PXK: variants seen among roughly 807,000 people sequenced by gnomAD.
PXK encodes the protein PX domain-containing protein kinase-like protein.
In PXK, 35 loss-of-function variants were observed where a neutral mutation model predicts 84.7. That is an observed-to-expected ratio of 0.41 (90% CI 0.32 to 0.55). The LOEUF is 0.55. Among genes scored for constraint, PXK ranks in the 20% least tolerant of loss-of-function variants. PXK has a pLI of 0.21. For synonymous variants in PXK, 253 were observed against 260.8 expected (o/e 0.97, Z 0.29); for missense variants, 634 against 699.7 (o/e 0.91, Z 1.06).
At chr3:58,375,263 T>C (rs182871148) in intron 3 of PXK, among the ~76,000 whole-genome samples, 1 of 152,374 alleles carries the variant, frequency 6.6e-6, no homozygotes, top group African/African-American at 2.4e-5. Flanking sequence ...AATCTGTCGA[T>C]ACTGGGTAAT....
chr3:58,369,266 G>C, intron 2 of PXK, among the ~76,000 whole-genome samples, 165 bp from the exon 3 acceptor site: 1 of 152,092 alleles, frequency 6.6e-6, no homozygotes, highest in East Asian at 1.9e-4. Flanking sequence ...TGTTTTCTAG[G>C]CTTGTCAGGT....
intron 3 of PXK, among the ~76,000 whole-genome samples, chr3:58,375,240 G>A (rs1171025262): frequency 2.0e-5 from 3 of 152,134 alleles, no homozygotes; most frequent in Non-Finnish European, 1.5e-5. Context: ...GCTGCTATGC[G>A]GTAGTGCAGG....
At chr3:58,354,104 C>CA in intron 1 of PXK, among the ~76,000 whole-genome samples, 1 of 152,346 alleles carries the variant, frequency 6.6e-6, no homozygotes, top group South Asian at 2.1e-4. Context: ...CCTGCCTCCT[C>CA]TCCCAGATCC....
intron 4 of PXK, among the ~76,000 whole-genome samples, chr3:58,388,229 T>G (rs1393298782): frequency 6.6e-6 from 1 of 152,202 alleles, no homozygotes; most frequent in Non-Finnish European, 1.5e-5. Flanking sequence ...AAAAGCTATT[T>G]CACAGTCCTC....
rs190101367 is a variant in PXK, at chr3:58,421,598, G to A, written c.1529-3154G>A. 441 of 988,258 alleles carry A rather than the reference G, an allele frequency of 4.5e-4. No homozygotes were observed. The highest frequency in any genetic ancestry group is 8.5e-4 in the Middle Eastern group (3 of 3,546). 61.2% of individuals were successfully genotyped at this position (988,258 alleles called of 1,614,324 possible). On this transcript the variant is annotated intron_variant, in intron 17 of 17. Coordinates refer to ENST00000356151, the MANE Select transcript of PXK (RefSeq NM_017771.5). This position sits in a 1 kb window ranked among gnomAD's most constrained non-coding sequence, Gnocchi z 5.5. ...CCATCTCAGAAAAAAAGGAACTGGA[G>A]GGAGGGACCCTCAGACATCCTGTCC... is the stretch of plus-strand genomic sequence containing the variant.
At chr3:58,352,392 G>A (rs1263023698) in intron 1 of PXK, among the ~76,000 whole-genome samples, 3 of 152,160 alleles carry the variant, frequency 2.0e-5, no homozygotes, top group South Asian at 4.1e-4. Context: ...CATTTCCAGC[G>A]GATCCGAGTT....
intron 1 of PXK, among the ~76,000 whole-genome samples, chr3:58,358,810 C>T (rs1256256239): frequency 1.3e-5 from 2 of 152,196 alleles, no homozygotes; most frequent in Admixed American, 1.3e-4. Context: ...TTGGCAGAAA[C>T]ATTAACTAGG....
chr3:58,339,119 A>C (rs115832510), intron 1 of PXK, among the ~76,000 whole-genome samples: 2,356 of 152,242 alleles, frequency 0.015, 68 homozygotes, highest in African/African-American at 0.054. Flanking sequence ...CCTGAGTTGA[A>C]AGCTTTTAGG....
In PXK at chr3:58,390,562, T is replaced by C; in HGVS notation, c.389-20T>C. ...TTTCCTGATATGTCTGACTAATGGG[T>C]TTCTAAAATGTCTTTGCAGAGATTG... On this transcript the variant is annotated intron_variant, in intron 4 of 17. Coordinates refer to ENST00000356151, the MANE Select transcript of PXK (RefSeq NM_017771.5). This position sits in a 1 kb window ranked among gnomAD's most constrained non-coding sequence, Gnocchi z 4.2. The C allele has an allele frequency of 6.2e-7, 1 of 1,604,106 alleles. No individual in the cohort carries two copies. Among genetic ancestry groups the C allele is most frequent in the Non-Finnish European group, 8.5e-7 (1 of 1,172,608 alleles).
intron 9 of PXK, 93 bp from the exon 10 acceptor site, chr3:58,396,946 G>T: frequency 7.3e-7 from 1 of 1,365,108 alleles, no homozygotes; most frequent in Non-Finnish European, 1.0e-6. Flanking sequence ...GTTTGGTTTT[G>T]TTTCAAAATA....
At chr3:58,382,387 A>G in intron 3 of PXK, 127 bp from the exon 4 acceptor site, 1 of 677,132 alleles carries the variant, frequency 1.5e-6, no homozygotes, top group Non-Finnish European at 2.2e-6. Context: ...TTTTTATATC[A>G]CTGAAATTAG....
chr3:58,411,881 A>G lies in PXK; in HGVS notation c.1466-1020A>G, dbSNP rs1402849755. Among the ~76,000 whole-genome samples, 1 of 152,198 alleles carries G rather than the reference A, an allele frequency of 6.6e-6. No individual in the cohort carries two copies. The highest frequency in any genetic ancestry group is 1.5e-5 in the Non-Finnish European group (1 of 68,044). ...AAAACACCCTCATATTTTATAGGGA[A>G]CTGAGGGAATATTGCAAGTAGAAAA... On this transcript the variant is annotated intron_variant, in intron 16 of 17. Coordinates refer to ENST00000356151, the MANE Select transcript of PXK (RefSeq NM_017771.5). The surrounding 1 kb of genome is among the most constrained non-coding windows in gnomAD (Gnocchi z 4.2).
chr3:58,334,033 C>T (rs1243074365), intron 1 of PXK, among the ~76,000 whole-genome samples: 1 of 152,172 alleles, frequency 6.6e-6, no homozygotes, highest in Non-Finnish European at 1.5e-5. Flanking sequence ...TGTCAGTCCA[C>T]CGAATCAGAT....
At chr3:58,351,452 G>C (rs1434531290) in intron 1 of PXK, among the ~76,000 whole-genome samples, 1 of 146,594 alleles carries the variant, frequency 6.8e-6, no homozygotes, top group Non-Finnish European at 1.5e-5. Flanking sequence ...GTAGAGACAG[G>C]GTTTCACCAT....
chr3:58,353,090 G>A (rs1170123084), intron 1 of PXK, among the ~76,000 whole-genome samples: 8 of 151,668 alleles, frequency 5.3e-5, no homozygotes, highest in African/African-American at 7.3e-5. Flanking sequence ...TCCGCCTCCC[G>A]GATTCACGCC....
intron 17 of PXK, chr3:58,420,967 G>C (rs9825431): frequency 0.081 from 82,713 of 1,021,680 alleles, 3,517 homozygotes; most frequent in Middle Eastern, 0.11. Flanking sequence ...TGAGCTCTTA[G>C]TTACAGGGAG....
Position 58,401,928 on chromosome 3 carries a change from G to A in PXK, c.1182-1934G>A, listed in dbSNP as rs529008361. Reference sequence around the variant, plus strand: ...AAATAAAAAATAAAACAAACTGGGGGCGCAGGATATTCAGCCAGGCATACT... The same window carrying A: ...AAATAAAAAATAAAACAAACTGGGGACGCAGGATATTCAGCCAGGCATACT... On this transcript the variant is annotated intron_variant, in intron 12 of 17. Coordinates refer to ENST00000356151, the MANE Select transcript of PXK (RefSeq NM_017771.5). This position sits in a 1 kb window ranked among gnomAD's most constrained non-coding sequence, Gnocchi z 4.4. 4.6e-5 allele frequency among the ~76,000 whole-genome samples: 7 copies of A among 152,064 alleles called. No individual in the cohort carries two copies. The South Asian group carries it at 6.2e-4, about 14-fold the overall frequency.
At chr3:58,388,401 C>A (rs1226815431) in intron 4 of PXK, among the ~76,000 whole-genome samples, 1 of 152,180 alleles carries the variant, frequency 6.6e-6, no homozygotes, top group Non-Finnish European at 1.5e-5. Context: ...ACATTGTACA[C>A]ATTAGAGAAT....
intron 1 of PXK, among the ~76,000 whole-genome samples, chr3:58,353,272 C>T (rs529722193): frequency 6.6e-6 from 1 of 152,274 alleles, no homozygotes; most frequent in African/African-American, 2.4e-5. Context: ...GCTGGGATTA[C>T]AGACATGAGC....
Sources: gnomAD v4.1 joint callset for allele counts (sites outside exome capture counted in the v4.1 genomes callset) on GRCh38, gnomAD v4.1.1 for gene constraint, Gnocchi (gnomAD v3.1) non-coding constraint, MANE v1.5 for transcripts, NCBI Gene and HGNC (gene_info 2026-07-23, HGNC 2026-07-21) for gene names.